The following PJA1 variants were observed in gnomAD, a reference collection of about 807,000 sequenced individuals.
PJA1 encodes the protein praja ring finger ubiquitin ligase 1.
In PJA1, 5 loss-of-function variants were observed where a neutral mutation model predicts 14.1. That is an observed-to-expected ratio of 0.35 (90% CI 0.18 to 0.74). PJA1 has a LOEUF of 0.74. Ranked by LOEUF, PJA1 falls within the 30% of genes least tolerant of loss-of-function variation. The pLI, the probability that PJA1 is intolerant of heterozygous loss-of-function variation, is 0.56. For missense variants in PJA1, 394 were observed against 482.6 expected (o/e 0.82, Z 1.72); for synonymous variants, 174 against 190.9 (o/e 0.91, Z 0.73).
Position 69,161,844 on chromosome X carries a change from C to T in PJA1, c.1230G>A (p.Gln410=), listed in dbSNP as rs142005205. The T allele has an allele frequency of 8.3e-7, 1 of 1,209,521 alleles. No homozygotes were observed. Among genetic ancestry groups the T allele is most frequent in the African/African-American group, 1.8e-5 (1 of 56,999 alleles). ...SLEEGEIPWL[Q]YHENDSSSEG... ...CACTGCTACTGTCATTCTCATGGTACTGGAGCCAAGGAATTTCTCCTTCTT... is the reference window on the plus strand; with the variant it reads ...CACTGCTACTGTCATTCTCATGGTATTGGAGCCAAGGAATTTCTCCTTCTT... Residue 410 remains glutamine (Q), a synonymous_variant, in exon 2 of 2, where the codon CAG becomes CAA. Transcript: ENST00000374571.
Position 69,162,453 on chromosome X carries a change from G to T in PJA1, c.621C>A (p.Asn207Lys), listed in dbSNP as rs1569209771. 1 of 1,211,581 alleles carries T rather than the reference G, an allele frequency of 8.3e-7. No homozygotes were observed. Among genetic ancestry groups the T allele is most frequent in the East Asian group, 3.0e-5 (1 of 33,817 alleles). ...GTTTCACGCAGTTTGGACTTGCCAGGTTTCTGATTTTGGGCCTGACCACAG... is the reference window on the plus strand; with the variant it reads ...GTTTCACGCAGTTTGGACTTGCCAGTTTTCTGATTTTGGGCCTGACCACAG... ...EEPVVRPKIR[N>K]LASPNCVKPK... is the part of the protein sequence containing the mutation. The change falls in exon 2 of 2, where the codon AAC becomes AAA. Residue 207 changes from asparagine to lysine, a missense_variant. Physicochemically the swap from Asn to Lys is moderately conservative, Grantham distance 94. This residue lies in a region of PJA1 where 378 missense variants were observed against 439.3 expected (regional missense o/e 0.86). Transcript: ENST00000374571.
At chrX:69,163,203 A>C (rs1488272493) in intron 1 of PJA1, 63 bp from the exon 2 acceptor site, 1 of 1,209,713 alleles carries the variant, frequency 8.3e-7, no homozygotes, top group Non-Finnish European at 1.1e-6. Context: ...CTCCTGTTGG[A>C]TTGGGCCATA....
In PJA1 at chrX:69,161,615, C is replaced by T; in HGVS notation, c.1459G>A (p.Glu487Lys). Residue 487 changes from glutamate to lysine, a missense_variant, in exon 2 of 2, where the codon GAA becomes AAA. By Grantham distance (56) the Glu-to-Lys change is moderately conservative. Coordinates refer to ENST00000374571, the MANE Select transcript of PJA1 (RefSeq NM_001032396.4). ...PQFLTYMALE[E>K]RLAQAMETAL... ...GTTTCCATTGCCTGGGCCAGGCGTT[C>T]TTCAAGTGCCATGTAGGTGAGGAAC... The T allele has an allele frequency of 8.3e-7, 1 of 1,211,632 alleles. No individual in the cohort carries two copies. Among genetic ancestry groups the T allele is most frequent in the Non-Finnish European group, 1.1e-6 (1 of 895,526 alleles).
downstream of PJA1, chrX:69,160,763 A>G (rs17217584): frequency 0.075 from 7,651 of 101,974 alleles, 320 homozygotes; most frequent in Middle Eastern, 0.17. Flanking sequence ...CAGCATTTCC[A>G]GTGAAACTAA....
At position 69,161,705 on chromosome X, in the gene PJA1, T is replaced by C. The variant is rs781384629; in HGVS notation, c.1369A>G (p.Ser457Gly). ...SVSEDLEVDW[S>G]LFDGFADGLG... The stretch of plus-strand genomic sequence containing the variant: ...CCATCTGCAAATCCATCAAAGAGGC[T>C]CCAATCCACTTCTAGGTCTTCGCTC... Residue 457 changes from serine to glycine, a missense_variant, in exon 2 of 2, where the codon AGC becomes GGC. By Grantham distance (56) the Ser-to-Gly change is moderately conservative (BLOSUM62 0). Transcript: ENST00000374571. 6.6e-6 allele frequency: 8 copies of C among 1,211,442 alleles called. No individual in the cohort carries two copies. Among genetic ancestry groups the C allele is most frequent in the Non-Finnish European group, 8.9e-6 (8 of 895,459 alleles).
Position 69,161,186 on chromosome X carries a change from A to G in PJA1, c.*121T>C, listed in dbSNP as rs1925003847. The G allele has an allele frequency of 2.1e-6, 2 of 958,335 alleles. No homozygotes were observed. The highest frequency in any genetic ancestry group is 2.7e-6 in the Non-Finnish European group (2 of 732,891). 79.0% of individuals were successfully genotyped at this position (958,335 alleles called of 1,213,427 possible). A position where few individuals can be genotyped will look rare whatever the true frequency, so the allele number is the denominator to read the frequency against. ...CATTGGAAATAATCACGAGGAATCA[A>G]TAGGTTTAGGCTAACTGACTGATTG... On this transcript the variant is annotated 3_prime_UTR_variant, in exon 2 of 2. Transcript: ENST00000374571.
chrX:69,161,857 A>C lies in PJA1; in HGVS notation c.1217T>G (p.Ile406Ser). Residue 406 changes from isoleucine (I) to serine (S), a missense_variant, in exon 2 of 2, where the codon ATT (isoleucine) becomes AGT (serine). This residue lies in a region of PJA1 where 378 missense variants were observed against 439.3 expected (regional missense o/e 0.86). Coordinates refer to ENST00000374571, the MANE Select transcript of PJA1 (RefSeq NM_001032396.4). Reference sequence around the variant, plus strand: ...ATTCTCATGGTACTGGAGCCAAGGAATTTCTCCTTCTTCCAGGGATGCCTG... The same window carrying C: ...ATTCTCATGGTACTGGAGCCAAGGACTTTCTCCTTCTTCCAGGGATGCCTG... ...EEQASLEEGE[I>S]PWLQYHENDS... The C allele has an allele frequency of 8.3e-7, 1 of 1,210,939 alleles. No individual in the cohort carries two copies. The highest frequency in any genetic ancestry group is 1.1e-6 in the Non-Finnish European group (1 of 895,252).
Position 69,162,747 on chromosome X carries a change from T to A in PJA1, c.327A>T (p.Pro109=). The A allele has an allele frequency of 8.3e-7, 1 of 1,209,001 alleles. No homozygotes were observed. Among genetic ancestry groups the A allele is most frequent in the Non-Finnish European group, 1.1e-6 (1 of 894,239 alleles). ...PEKGARSLAG[P]PPHFSSFSRD... ...GGCTAAAACTAGAGAAATGTGGAGG[T>A]GGCCCAGCCAAAGACCTTGCCCCTT... Residue 109 remains proline (P), a synonymous_variant, in exon 2 of 2, where the codon CCA becomes CCT. Transcript: ENST00000374571.
chrX:69,162,012 C>T lies in PJA1; in HGVS notation c.1062G>A (p.Val354=), dbSNP rs766506794. ...CAGGGCTGGTGCCAGTGCTGGCACTCACCTTAGCCTGTGGAGGTTCCCGCT... is the reference window on the plus strand; with the variant it reads ...CAGGGCTGGTGCCAGTGCTGGCACTTACCTTAGCCTGTGGAGGTTCCCGCT... ...KEEREPPQAK[V]SASTGTSPGP... Residue 354 remains valine, a synonymous_variant, in exon 2 of 2, where the codon GTG becomes GTA. Transcript: ENST00000374571. The T allele has an allele frequency of 8.3e-7, 1 of 1,208,243 alleles. No individual in the cohort carries two copies. Among genetic ancestry groups the T allele is most frequent in the African/African-American group, 1.8e-5 (1 of 56,731 alleles).
At chrX:69,163,445 C>T (rs1318819595) in intron 1 of PJA1, 2 of 417,524 alleles carry the variant, frequency 4.8e-6, no homozygotes, top group South Asian at 5.4e-5. Flanking sequence ...GAGTAGCATT[C>T]CAGTGACTGT....
At chrX:69,164,280 T>TG (rs1925185781) in intron 1 of PJA1, among the ~76,000 whole-genome samples, 1 of 107,844 alleles carries the variant, frequency 9.3e-6, no homozygotes, top group Admixed American at 9.8e-5. Context: ...TTTATGTGAG[T>TG]GCGAGTGTGT....
chrX:69,164,090 A>G (rs1475681523), intron 1 of PJA1, among the ~76,000 whole-genome samples: 1 of 109,800 alleles, frequency 9.1e-6, no homozygotes, highest in Non-Finnish European at 1.9e-5. Flanking sequence ...GGGAGGCAAC[A>G]ATGGAGAAAT....
chrX:69,162,348 A>T lies in PJA1; in HGVS notation c.726T>A (p.Asn242Lys). 1 of 1,210,484 alleles carries T rather than the reference A, an allele frequency of 8.3e-7. No homozygotes were observed. Among genetic ancestry groups the T allele is most frequent in the Non-Finnish European group, 1.1e-6 (1 of 895,244 alleles). The change falls in exon 2 of 2, where the codon AAT (asparagine) becomes AAA (lysine). Residue 242 changes from asparagine (N) to lysine (K), a missense_variant. This residue lies in a region of PJA1 where 378 missense variants were observed against 439.3 expected (regional missense o/e 0.86). Transcript: ENST00000374571. ...TTGCCAGGCCATCCGAGTGGCCCTCATTGTCATTGGCGGTATCCCTCCACC... is the reference window on the plus strand; with the variant it reads ...TTGCCAGGCCATCCGAGTGGCCCTCTTTGTCATTGGCGGTATCCCTCCACC... ...TSRWRDTAND[N>K]EGHSDGLARR...
At chrX:69,160,789 T>C (rs1316241284), downstream of PJA1, 1 of 109,031 alleles carries the variant, frequency 9.2e-6, no homozygotes, top group Non-Finnish European at 1.9e-5. Context: ...TTGATGCAAA[T>C]GCAAGGGATC....
intron 1 of PJA1, among the ~76,000 whole-genome samples, chrX:69,164,511 G>A (rs928377728): frequency 1.0e-4 from 11 of 108,690 alleles, no homozygotes; most frequent in Non-Finnish European, 2.1e-4. Flanking sequence ...GCGAGAGCAC[G>A]CAGAGGCCGA....
chrX:69,161,081 A>G lies in PJA1; in HGVS notation c.*226T>C. 1 of 447,603 alleles carries G rather than the reference A, an allele frequency of 2.2e-6. No homozygotes were observed. Among genetic ancestry groups the G allele is most frequent in the Non-Finnish European group, 3.3e-6 (1 of 298,797 alleles). 36.9% of individuals were successfully genotyped at this position (447,603 alleles called of 1,213,427 possible). A position where few individuals can be genotyped will look rare whatever the true frequency, so the allele number is the denominator to read the frequency against. ...TCTTCTTACTGCAATCTCAAGTAGC[A>G]TTTAGAAAGTTTAGTTTTCCCTTTT... On this transcript the variant is annotated 3_prime_UTR_variant, in exon 2 of 2. Coordinates refer to ENST00000374571, the MANE Select transcript of PJA1 (RefSeq NM_001032396.4).
intron 1 of PJA1, among the ~76,000 whole-genome samples, chrX:69,164,399 T>A (rs1198611253): frequency 9.2e-6 from 1 of 109,268 alleles, no homozygotes; most frequent in Non-Finnish European, 1.9e-5. Flanking sequence ...TGGCTACATA[T>A]GTATGTCACT....
rs776920002 is a variant in PJA1 at position 69,162,360 on chromosome X, G to A, written c.714C>T (p.Thr238=). Residue 238 remains threonine, a synonymous_variant, in exon 2 of 2, where the codon ACC becomes ACT. Coordinates refer to ENST00000374571, the MANE Select transcript of PJA1 (RefSeq NM_001032396.4). The part of the protein sequence containing the change: ...MPHSTSRWRD[T]ANDNEGHSDG... The stretch of plus-strand genomic sequence containing the variant: ...CCGAGTGGCCCTCATTGTCATTGGC[G>A]GTATCCCTCCACCTGGAAGTACTGT... The A allele has an allele frequency of 6.6e-6, 8 of 1,210,929 alleles. No individual in the cohort carries two copies. Among genetic ancestry groups the A allele is most frequent in the African/African-American group, 1.7e-5 (1 of 57,486 alleles).
rs1925125692 is a variant in PJA1, at chrX:69,163,012, C to T, written c.62G>A (p.Arg21His). ...ACTCTCGCTGTCGTCCCAACTACGA[C>T]GAGTAGTGGAAAATGGCGATCGGCT... ...KRSRSPFSTT[R>H]RSWDDSESSG... The change falls in exon 2 of 2, where the codon CGT becomes CAT. Residue 21 changes from arginine to histidine, a missense_variant. This residue lies in a region of PJA1 where 378 missense variants were observed against 439.3 expected (regional missense o/e 0.86). Coordinates refer to ENST00000374571, the MANE Select transcript of PJA1 (RefSeq NM_001032396.4). 4.1e-6 allele frequency: 5 copies of T among 1,210,904 alleles called. No homozygotes were observed. Among genetic ancestry groups the T allele is most frequent in the Non-Finnish European group, 5.6e-6 (5 of 895,394 alleles).
Sources: gnomAD v4.1 joint callset for allele counts (sites outside exome capture counted in the v4.1 genomes callset) on GRCh38, gnomAD v4.1.1 for gene constraint, gnomAD v4.1.1 regional missense constraint, MANE v1.5 for transcripts, NCBI Gene and HGNC (gene_info 2026-07-23, HGNC 2026-07-21) for gene names.